The following FNDC7 variants were observed in gnomAD, a reference collection of about 807,000 sequenced individuals.
FNDC7 encodes the protein fibronectin type III domain containing 7.
In FNDC7, 66 loss-of-function variants were observed where a neutral mutation model predicts 74.2. That is an observed-to-expected ratio of 0.89 (90% CI 0.73 to 1.09). FNDC7 has a LOEUF of 1.09. Among genes scored for constraint, FNDC7 ranks in the 50% least tolerant of loss-of-function variants. The pLI, the probability that FNDC7 is intolerant of heterozygous loss-of-function variation, is 0.00. For synonymous variants in FNDC7, 307 were observed against 330.2 expected (o/e 0.93, Z 0.76); for missense variants, 829 against 893.4 (o/e 0.93, Z 0.92).
rs1053234082 is a variant in FNDC7 at position 108,737,480 on chromosome 1, G to A, written c.2141-15G>A. The A allele has an allele frequency of 3.2e-6, 5 of 1,567,758 alleles. No individual in the cohort carries two copies. In the African/African-American group the frequency reaches 5.5e-5, roughly 17 times the overall value. The stretch of plus-strand genomic sequence containing the variant: ...TGAATAGATTTTATTTTAAATGCTT[G>A]TGTTTTTATTACAGTAACTTGCTCT... On this transcript the variant is annotated splice_polypyrimidine_tract_variant and intron_variant, in intron 10 of 12. Coordinates refer to ENST00000370017, the MANE Select transcript of FNDC7 (RefSeq NM_001144937.3).
In FNDC7 at chr1:108,718,778, T is replaced by C. The variant is rs374050882; in HGVS notation, c.338-11T>C. On this transcript the variant is annotated splice_polypyrimidine_tract_variant and intron_variant, in intron 3 of 12. Coordinates refer to ENST00000370017, the MANE Select transcript of FNDC7 (RefSeq NM_001144937.3). ...TTGGTAACACAAATGCATGTGTTTT[T>C]ATTTTTTTAGTGTTGGCTGCACCAA... 8 of 1,549,296 alleles carry C rather than the reference T, an allele frequency of 5.2e-6. No homozygotes were observed. The African/African-American group carries it at 5.5e-5, about 11-fold the overall frequency.
intron 10 of FNDC7, among the ~76,000 whole-genome samples, chr1:108,737,131 G>A (rs1223330888): frequency 5.9e-5 from 9 of 151,836 alleles, no homozygotes; most frequent in South Asian, 2.1e-4. Context: ...TACCATGCCC[G>A]GCTAATTTTT....
chr1:108,716,320 G>GGTGTGTGTGTGTGTGT lies in FNDC7; in HGVS notation c.83-1416_83-1401dup, dbSNP rs141850435. 4.8e-4 allele frequency among the ~76,000 whole-genome samples: 46 copies of GGTGTGTGTGTGTGTGT among 95,764 alleles called. 1 individual carries two copies. Among genetic ancestry groups the GGTGTGTGTGTGTGTGT allele is most frequent in the African/African-American group, 1.5e-3 (40 of 26,200 alleles). 62.8% of individuals were successfully genotyped at this position (95,764 alleles called of 152,430 possible). ...TCATTAGCTTGGGGAGCAGAAGAGA[G>GGTGTGTGTGTGTGTGT]GTGTGTGTGTGTGTGTGTGTGTGTG... On this transcript the variant is annotated intron_variant, in intron 2 of 12. Transcript: ENST00000370017.
chr1:108,735,362 T>C (rs906340547), intron 10 of FNDC7, among the ~76,000 whole-genome samples: 3 of 152,270 alleles, frequency 2.0e-5, no homozygotes, highest in African/African-American at 4.8e-5. Flanking sequence ...AGGACACTGG[T>C]CCAATTGTGT....
intron 8 of FNDC7, among the ~76,000 whole-genome samples, chr1:108,729,514 A>C (rs1661296796): frequency 6.6e-6 from 1 of 151,808 alleles, no homozygotes; most frequent in African/African-American, 2.4e-5. Flanking sequence ...ATGCCACTGC[A>C]CTTCAGCCTG....
Position 108,723,725 on chromosome 1 carries a change from G to A in FNDC7, c.856+1133G>A, listed in dbSNP as rs137983892. On this transcript the variant is annotated intron_variant, in intron 5 of 12. Transcript: ENST00000370017. The stretch of plus-strand genomic sequence containing the variant: ...TACGCAGTTAGGCATTTAATGCAGG[G>A]GAGAACCATGCAGAGTTTTTAAATC... Among the ~76,000 whole-genome samples, 392 of 152,308 alleles carry A rather than the reference G, an allele frequency of 2.6e-3. 3 individuals are homozygous for A. Among genetic ancestry groups the A allele is most frequent in the African/African-American group, 8.7e-3 (361 of 41,552 alleles).
At position 108,727,978 on chromosome 1, in the gene FNDC7, T is replaced by C; in HGVS notation, c.1282T>C (p.Cys428Arg). Residue 428 changes from cysteine to arginine, a missense_variant, in exon 7 of 13, where the codon TGT (cysteine) becomes CGT (arginine). Coordinates refer to ENST00000370017, the MANE Select transcript of FNDC7 (RefSeq NM_001144937.3). Reference sequence around the variant, plus strand: ...TGCGTGCACCCTTTCGGCTCTAGAGTGTGACACCAAGTACAACATCACAGT... The same window carrying C: ...TGCGTGCACCCTTTCGGCTCTAGAGCGTGACACCAAGTACAACATCACAGT... ...TPACTLSALE[C>R]DTKYNITVYS... 1.2e-6 allele frequency: 2 copies of C among 1,613,938 alleles called. No homozygotes were observed. Among genetic ancestry groups the C allele is most frequent in the East Asian group, 2.2e-5 (1 of 44,862 alleles).
intron 2 of FNDC7, among the ~76,000 whole-genome samples, chr1:108,716,911 A>T (rs1263070740): frequency 1.3e-5 from 2 of 152,080 alleles, no homozygotes; most frequent in Non-Finnish European, 2.9e-5. Context: ...CTTTTCTTCC[A>T]CTTAGATCTC....
At chr1:108,719,079 A>G in intron 4 of FNDC7, 30 bp downstream of exon 4, 1 of 1,549,238 alleles carries the variant, frequency 6.5e-7, no homozygotes, top group East Asian at 2.4e-5. Flanking sequence ...GCCTCGAACA[A>G]TTCTACTTTT....
At chr1:108,720,156 T>G (rs1308669191) in intron 4 of FNDC7, among the ~76,000 whole-genome samples, 2 of 152,198 alleles carry the variant, frequency 1.3e-5, no homozygotes, top group East Asian at 3.8e-4. Context: ...TCTTCCCTCC[T>G]TCCCTTATCT....
chr1:108,725,520 A>G (rs879339459), intron 5 of FNDC7, among the ~76,000 whole-genome samples: 5 of 152,198 alleles, frequency 3.3e-5, no homozygotes, highest in African/African-American at 9.7e-5. Context: ...AGAATGTGAG[A>G]GGTCATTAAA....
At chr1:108,741,664 T>C (rs1661651079) in intron 11 of FNDC7, 109 bp from the exon 12 acceptor site, 1 of 1,135,172 alleles carries the variant, frequency 8.8e-7, no homozygotes, top group East Asian at 2.4e-5. Flanking sequence ...GCTGCAAAAA[T>C]AGCATTTCAA....
chr1:108,721,001 C>G (rs1661080438), intron 4 of FNDC7, among the ~76,000 whole-genome samples: 1 of 152,164 alleles, frequency 6.6e-6, no homozygotes, highest in South Asian at 2.1e-4. Context: ...AGCAAGTTGC[C>G]CTAAAACACT....
intron 9 of FNDC7, among the ~76,000 whole-genome samples, chr1:108,731,566 A>G (rs549270969): frequency 4.2e-4 from 64 of 152,340 alleles, no homozygotes; most frequent in African/African-American, 1.5e-3. Flanking sequence ...AAGTACAATG[A>G]TAAGTTACCT....
Position 108,714,932 on chromosome 1 carries a change from AC to A in FNDC7, c.82+1404del, listed in dbSNP as rs890267838. ...GTCGACTTTGGGTGGACAGAATCTAACTCTGCCGTCTCTTACAAGGTCCTAG... is the reference window on the plus strand; with the variant it reads ...GTCGACTTTGGGTGGACAGAATCTAATCTGCCGTCTCTTACAAGGTCCTAG... On this transcript the variant is annotated intron_variant, in intron 2 of 12. Coordinates refer to ENST00000370017, the MANE Select transcript of FNDC7 (RefSeq NM_001144937.3). Among the ~76,000 whole-genome samples the A allele has an allele frequency of 1.5e-4, 23 of 151,934 alleles. 1 individual carries two copies. Among genetic ancestry groups the A allele is most frequent in the African/African-American group, 5.1e-4 (21 of 41,430 alleles).
intron 2 of FNDC7, among the ~76,000 whole-genome samples, chr1:108,715,246 T>A (rs1269631658): frequency 6.6e-6 from 1 of 152,214 alleles, no homozygotes; most frequent in African/African-American, 2.4e-5. Flanking sequence ...CTCTTTGAGC[T>A]GGTGGAATGC....
rs377522474 is a variant in FNDC7 at position 108,733,842 on chromosome 1, G to C, written c.2140+310G>C. 1.2e-3 allele frequency among the ~76,000 whole-genome samples: 180 copies of C among 151,920 alleles called. No individual in the cohort carries two copies. In the Middle Eastern group the frequency reaches 0.014, roughly 11 times the overall value. On this transcript the variant is annotated intron_variant, in intron 10 of 12. Coordinates refer to ENST00000370017, the MANE Select transcript of FNDC7 (RefSeq NM_001144937.3). Reference sequence around the variant, plus strand: ...ATTTTTGTATTTTTGTAGAGACGGGGCTTCAGCATATTGGCCAGGCTGGTC... The same window carrying C: ...ATTTTTGTATTTTTGTAGAGACGGGCCTTCAGCATATTGGCCAGGCTGGTC...
chr1:108,736,821 T>C (rs1661526414), intron 10 of FNDC7, among the ~76,000 whole-genome samples: 1 of 152,204 alleles, frequency 6.6e-6, no homozygotes, highest in African/African-American at 2.4e-5. Context: ...GCAGTATCAG[T>C]GATGTCTTAT....
At chr1:108,717,147 T>TG (rs1660993280) in intron 2 of FNDC7, among the ~76,000 whole-genome samples, 1 of 152,248 alleles carries the variant, frequency 6.6e-6, no homozygotes, top group Non-Finnish European at 1.5e-5. Context: ...TTATTTTGTA[T>TG]GGAAGAATCT....
Sources: gnomAD v4.1 joint callset for allele counts (sites outside exome capture counted in the v4.1 genomes callset) on GRCh38, gnomAD v4.1.1 for gene constraint, MANE v1.5 for transcripts, NCBI Gene and HGNC (gene_info 2026-07-23, HGNC 2026-07-21) for gene names.